The following TTLL9 variants were observed in gnomAD, a reference collection of about 807,000 sequenced individuals.
The protein encoded by TTLL9 is tubulin tyrosine ligase like 9.
Under a neutral mutation model 65.6 loss-of-function variants are expected in TTLL9, and 47 were observed. The observed-to-expected ratio is 0.72, with a 90% CI of 0.57 to 0.91. The LOEUF is 0.91. TTLL9 is among the 40% of genes least tolerant of loss of function. The pLI is 0.00. For missense variants in TTLL9, 537 were observed against 568.8 expected, an observed-to-expected ratio of 0.94 and a Z score of 0.57; for synonymous variants, 179 against 204.8, an observed-to-expected ratio of 0.87 and a Z score of 1.07.
chr20:31,874,145 G>T (rs1443786680), intron 2 of TTLL9, among the ~76,000 whole-genome samples: 1 of 152,194 alleles, frequency 6.6e-6, no homozygotes, highest in Non-Finnish European at 1.5e-5. Context: ...TCAGCCTTTG[G>T]AAGTATTAGT....
At chr20:31,928,916 C>A (rs2063957099) in intron 10 of TTLL9, among the ~76,000 whole-genome samples, 1 of 152,204 alleles carries the variant, frequency 6.6e-6, no homozygotes, top group African/African-American at 2.4e-5. Flanking sequence ...TTCTCTGTTG[C>A]CCCCGATCGA....
chr20:31,931,120 C>T (rs1161603721), intron 10 of TTLL9, among the ~76,000 whole-genome samples: 1 of 144,964 alleles, frequency 6.9e-6, no homozygotes, highest in Non-Finnish European at 1.5e-5. Context: ...TGCTCTGTTG[C>T]CCAGGCTGGA....
chr20:31,937,319 A>C (rs1258564560), intron 12 of TTLL9, 77 bp from the exon 13 acceptor site: 1 of 972,944 alleles, frequency 1.0e-6, no homozygotes, highest in East Asian at 2.4e-5. Flanking sequence ...CCATGCATCC[A>C]TCTAGCCTCT....
intron 6 of TTLL9, among the ~76,000 whole-genome samples, chr20:31,916,887 A>C (rs552144520): frequency 6.6e-6 from 1 of 152,312 alleles, no homozygotes. Context: ...TGATTGGCCA[A>C]AACTGGTCAT....
intron 4 of TTLL9, among the ~76,000 whole-genome samples, chr20:31,899,904 G>A (rs2063449721): frequency 6.6e-6 from 1 of 152,032 alleles, no homozygotes; most frequent in Non-Finnish European, 1.5e-5. Flanking sequence ...AGGACTACAG[G>A]TGCCCGCCAC....
At chr20:31,934,669 CG>C in intron 11 of TTLL9, 22 bp from the exon 12 acceptor site, 1 of 1,593,530 alleles carries the variant, frequency 6.3e-7, no homozygotes, top group East Asian at 2.2e-5. Context: ...GCTCCTCTCT[CG>C]ACCCGGCTGC....
At chr20:31,880,324 AGT>A (rs1288485221) in intron 2 of TTLL9, among the ~76,000 whole-genome samples, 1 of 152,128 alleles carries the variant, frequency 6.6e-6, no homozygotes, top group African/African-American at 2.4e-5. Context: ...AACGCTAATT[AGT>A]GTCTTTTCCA....
Position 31,937,386 on chromosome 20 carries a change from C to G in TTLL9, c.1005-10C>G, listed in dbSNP as rs1314626002. 1 of 1,610,798 alleles carries G rather than the reference C, an allele frequency of 6.2e-7. No individual in the cohort carries two copies. Among genetic ancestry groups the G allele is most frequent in the Non-Finnish European group, 8.5e-7 (1 of 1,177,178 alleles). ...TAACCCTAAGACTCTCTACTCCCCTCCCTTCCCAGGTGGCTCCTGGAGGTC... is the reference window on the plus strand; with the variant it reads ...TAACCCTAAGACTCTCTACTCCCCTGCCTTCCCAGGTGGCTCCTGGAGGTC... On this transcript the variant is annotated splice_polypyrimidine_tract_variant and intron_variant, in intron 12 of 14. Coordinates refer to ENST00000535842, the MANE Select transcript of TTLL9 (RefSeq NM_001008409.5).
chr20:31,936,991 G>C (rs769795674), intron 12 of TTLL9, among the ~76,000 whole-genome samples: 2 of 151,674 alleles, frequency 1.3e-5, no homozygotes, highest in Admixed American at 6.6e-5. Flanking sequence ...CCAGCTATTC[G>C]GGAGGCTGAG....
intron 6 of TTLL9, among the ~76,000 whole-genome samples, chr20:31,916,128 G>A (rs962037311): frequency 2.6e-5 from 4 of 152,172 alleles, no homozygotes; most frequent in African/African-American, 9.6e-5. Flanking sequence ...TTGCCTTCCA[G>A]GTGGGCCTCT....
chr20:31,937,209 G>T (rs2064126024), intron 12 of TTLL9, among the ~76,000 whole-genome samples, 187 bp from the exon 13 acceptor site: 1 of 151,842 alleles, frequency 6.6e-6, no homozygotes, highest in South Asian at 2.1e-4. Context: ...AGGAGTTTGA[G>T]ACTAGCCTGG....
chr20:31,908,626 G>A lies in TTLL9; in HGVS notation c.242G>A (p.Ser81Asn). The change falls in exon 5 of 15, where the codon AGC becomes AAC. Residue 81 changes from serine to asparagine, a missense_variant. Around this residue, in one of 3 missense-constraint regions of TTLL9, gnomAD observed 320 missense variants for 311.0 expected, o/e 1.03. Coordinates refer to ENST00000535842, the MANE Select transcript of TTLL9 (RefSeq NM_001008409.5). ...GEWDFYWCDV[S>N]WLRENFDHTY... ...TGGGATTTCTACTGGTGTGACGTCA[G>A]CTGGCTCCGGGAGAACTTCGACCAC... 3.7e-6 allele frequency: 6 copies of A among 1,614,098 alleles called. No homozygotes were observed. The highest frequency in any genetic ancestry group is 5.1e-6 in the Non-Finnish European group (6 of 1,179,986).
At chr20:31,924,912 G>T in intron 8 of TTLL9, 97 bp from the exon 9 acceptor site, 1 of 1,343,948 alleles carries the variant, frequency 7.4e-7, no homozygotes, top group East Asian at 2.5e-5. Flanking sequence ...CATGAAGGCG[G>T]GGTTTCCTGT....
intron 4 of TTLL9, among the ~76,000 whole-genome samples, chr20:31,902,335 G>A (rs1417768930): frequency 1.3e-5 from 2 of 151,994 alleles, no homozygotes; most frequent in Non-Finnish European, 2.9e-5. Flanking sequence ...TTAACGTAAT[G>A]TTTTCAAGGC....
intron 14 of TTLL9, among the ~76,000 whole-genome samples, chr20:31,941,917 C>T (rs868231178): frequency 6.6e-6 from 1 of 152,148 alleles, no homozygotes; most frequent in Non-Finnish European, 1.5e-5. Context: ...GGGAAGCGTT[C>T]AGGGACATCC....
In TTLL9 at chr20:31,870,680, C is replaced by CCCCA; in HGVS notation, c.-274_-273insCCAC. 2.9e-6 allele frequency: 3 copies of CCCCA among 1,038,218 alleles called. No individual in the cohort carries two copies. Among genetic ancestry groups the CCCCA allele is most frequent in the Non-Finnish European group, 3.8e-6 (3 of 795,592 alleles). The allele number at this position is 1,038,218 out of a possible 1,614,324, so 64.3% of individuals were successfully genotyped here. A position where few individuals can be genotyped will look rare whatever the true frequency, so the allele number is the denominator to read the frequency against. ...GCGGGACAACGGCAGTTTGTTGGGG[C>CCCCA]CGCGTGGGGCCGCCACCTCCGGAGG... On this transcript the variant is annotated 5_prime_UTR_variant, in exon 1 of 15. Coordinates refer to ENST00000535842, the MANE Select transcript of TTLL9 (RefSeq NM_001008409.5). The surrounding 1 kb of genome is among the most constrained non-coding windows in gnomAD (Gnocchi z 6.6).
intron 10 of TTLL9, among the ~76,000 whole-genome samples, chr20:31,932,440 C>G (rs1005784662): frequency 1.5e-5 from 2 of 135,996 alleles, no homozygotes; most frequent in African/African-American, 3.0e-5. Flanking sequence ...CCACTGCACT[C>G]CAGCCTGGGT....
chr20:31,887,443 GA>G (rs1454808587), intron 3 of TTLL9, among the ~76,000 whole-genome samples: 4 of 152,208 alleles, frequency 2.6e-5, no homozygotes, highest in African/African-American at 9.7e-5. Flanking sequence ...ATTGAATCCT[GA>G]CCACAACCAT....
chr20:31,873,583 G>A (rs2062969846), intron 2 of TTLL9, among the ~76,000 whole-genome samples: 1 of 151,460 alleles, frequency 6.6e-6, no homozygotes, highest in Non-Finnish European at 1.5e-5. Flanking sequence ...GCTTGAGGTT[G>A]AGGCTGCAGT....
Sources: allele counts gnomAD v4.1 joint callset (sites outside exome capture counted in the v4.1 genomes callset), GRCh38; gene constraint gnomAD v4.1.1; regional missense constraint gnomAD v4.1.1; non-coding constraint Gnocchi (gnomAD v3.1); transcripts MANE v1.5; gene names NCBI Gene and HGNC (gene_info 2026-07-23, HGNC 2026-07-21).